Variants in ANO4 observed in about 807,000 individuals in gnomAD.
ANO4 encodes the protein anoctamin 4.
A neutral mutation model predicts 141.9 loss-of-function variants in ANO4; 69 were observed. The observed-to-expected ratio is 0.49, with a 90% CI of 0.40 to 0.59. ANO4 has a LOEUF of 0.59. Ranked by LOEUF, ANO4 falls within the 20% of genes least tolerant of loss-of-function variation. The probability of loss-of-function intolerance (pLI) is 0.00; values close to 1 mark genes in which losing one functional copy is unlikely to be tolerated. For missense variants in ANO4, 894 were observed against 1,162.2 expected (o/e 0.77, Z 3.36); for synonymous variants, 350 against 394.3 (o/e 0.89, Z 1.33).
intron 1 of ANO4, among the ~76,000 whole-genome samples, chr12:100,729,288 A>T (rs1441075056): frequency 7.5e-6 from 1 of 133,300 alleles, no homozygotes; most frequent in African/African-American, 2.8e-5. Context: ...ATATAGCTGG[A>T]GGTTGCAGTG....
intron 1 of ANO4, among the ~76,000 whole-genome samples, chr12:100,730,821 A>G (rs560595763): frequency 5.9e-5 from 9 of 152,292 alleles, no homozygotes; most frequent in African/African-American, 1.9e-4. Context: ...TAGTTTTCCC[A>G]TATTAAAAAT....
At chr12:100,773,790 C>T (rs192446862) in intron 3 of ANO4, among the ~76,000 whole-genome samples, 11 of 152,268 alleles carry the variant, frequency 7.2e-5, no homozygotes, top group East Asian at 3.9e-4. Context: ...TGAATGATTA[C>T]GTAGCAACCA....
chr12:100,744,566 G>C (rs537667286), intron 3 of ANO4, among the ~76,000 whole-genome samples: 1 of 152,038 alleles, frequency 6.6e-6, no homozygotes, highest in African/African-American at 2.4e-5. Context: ...ATGCCATCAC[G>C]CTGGAATTAG....
At chr12:100,971,076 T>C (rs1204582821) in intron 5 of ANO4, among the ~76,000 whole-genome samples, 2 of 152,334 alleles carry the variant, frequency 1.3e-5, no homozygotes, top group East Asian at 3.9e-4. Context: ...AATGTAAATG[T>C]TATTCATACC....
At chr12:100,897,475 C>A (rs182320867) in intron 1 of ANO4, among the ~76,000 whole-genome samples, 1 of 152,188 alleles carries the variant, frequency 6.6e-6, no homozygotes, top group South Asian at 2.1e-4. Flanking sequence ...CACCATGTAG[C>A]GTGCCAAGTG....
chr12:101,057,250 A>G (rs550087516), intron 14 of ANO4, among the ~76,000 whole-genome samples: 7 of 152,094 alleles, frequency 4.6e-5, no homozygotes, highest in Non-Finnish European at 8.8e-5. Context: ...TATTCAGTCT[A>G]TCATTGATGG....
intron 17 of ANO4, among the ~76,000 whole-genome samples, chr12:101,091,176 C>A (rs1219328479): frequency 6.6e-6 from 1 of 152,016 alleles, no homozygotes; most frequent in Non-Finnish European, 1.5e-5. Flanking sequence ...GATTTTCAGC[C>A]AACATCAAAC....
intron 7 of ANO4, among the ~76,000 whole-genome samples, chr12:100,981,363 C>T (rs1365555182): frequency 6.6e-6 from 1 of 151,418 alleles, no homozygotes; most frequent in East Asian, 1.9e-4. Flanking sequence ...CATGCCTCTG[C>T]TGTCTATTAT....
chr12:101,094,164 T>C lies in ANO4; in HGVS notation c.1702-92T>C. The C allele has an allele frequency of 6.0e-6, 6 of 996,794 alleles. No homozygotes were observed. In the South Asian group the frequency reaches 8.6e-5, roughly 14 times the overall value. The allele number at this position is 996,794 out of a possible 1,614,324, so 61.7% of individuals were successfully genotyped here. On this transcript the variant is annotated intron_variant, in intron 17 of 27. Transcript: ENST00000392977. ...CAATGGATGCTTAATGAAATTATTT[T>C]GACTCGTGATTTGACTCCCTATTTC...
At chr12:101,077,874 G>C (rs1468576015) in intron 14 of ANO4, among the ~76,000 whole-genome samples, 1 of 152,074 alleles carries the variant, frequency 6.6e-6, no homozygotes, top group African/African-American at 2.4e-5. Context: ...AGGGATTGTG[G>C]ACCTGTATTA....
intron 8 of ANO4, among the ~76,000 whole-genome samples, chr12:101,003,278 G>C (rs150383331): frequency 3.9e-5 from 6 of 152,332 alleles, no homozygotes; most frequent in African/African-American, 1.4e-4. Flanking sequence ...TTTATCATGG[G>C]ATCTGGACTG....
intron 3 of ANO4, among the ~76,000 whole-genome samples, chr12:100,926,810 A>G (rs952201442): frequency 6.6e-6 from 1 of 151,948 alleles, no homozygotes. Context: ...TGTATGGAAG[A>G]AGAAATTGCA....
intron 11 of ANO4, among the ~76,000 whole-genome samples, chr12:101,041,687 C>A (rs1033263319): frequency 6.6e-6 from 1 of 151,946 alleles, no homozygotes; most frequent in Non-Finnish European, 1.5e-5. Context: ...CTTGAAACAT[C>A]GAGAAAAGAA....
At chr12:100,963,545 A>G (rs996032228) in intron 5 of ANO4, among the ~76,000 whole-genome samples, 25 of 152,168 alleles carry the variant, frequency 1.6e-4, no homozygotes, top group East Asian at 5.8e-4. Context: ...AGGAAATTGC[A>G]TCCGAATCAG....
chr12:100,911,756 T>C (rs12315693), intron 2 of ANO4, among the ~76,000 whole-genome samples: 116,794 of 152,070 alleles, frequency 0.77, 45,453 homozygotes, highest in African/African-American at 0.89. Flanking sequence ...GAGGAGAGGA[T>C]TATTAAGGAG....
At chr12:100,824,440 A>AC in intron 1 of ANO4, among the ~76,000 whole-genome samples, 1 of 152,200 alleles carries the variant, frequency 6.6e-6, no homozygotes, top group Non-Finnish European at 1.5e-5. Flanking sequence ...AAACAAACAA[A>AC]AAAAAACTTT....
At chr12:100,966,800 T>A (rs2043674964) in intron 5 of ANO4, among the ~76,000 whole-genome samples, 1 of 149,522 alleles carries the variant, frequency 6.7e-6, no homozygotes, top group African/African-American at 2.5e-5. Context: ...CACATGTATA[T>A]ATATACACAC....
At chr12:100,942,044 G>A (rs538876559) in intron 4 of ANO4, among the ~76,000 whole-genome samples, 8 of 151,120 alleles carry the variant, frequency 5.3e-5, no homozygotes, top group East Asian at 1.9e-4. Flanking sequence ...GCAGTGGCGC[G>A]ATCTGGGCTC....
chr12:101,114,007 T>A lies in ANO4; in HGVS notation c.2450+2297T>A, dbSNP rs143098465. On this transcript the variant is annotated intron_variant, in intron 24 of 27. Transcript: ENST00000392977. ...CACAGGAAACCCTTCGTCTGTTACT[T>A]TTTTCTTGGTACTTCTCAATTCTCC... 4.2e-3 allele frequency among the ~76,000 whole-genome samples: 642 copies of A among 152,316 alleles called. 4 individuals carry two copies. Among genetic ancestry groups the A allele is most frequent in the African/African-American group, 0.014 (597 of 41,562 alleles).
Sources: gnomAD v4.1 joint callset for allele counts (sites outside exome capture counted in the v4.1 genomes callset) on GRCh38, gnomAD v4.1.1 for gene constraint, MANE v1.5 for transcripts, NCBI Gene and HGNC (gene_info 2026-07-23, HGNC 2026-07-21) for gene names.